The following CYP2C19 variants were observed in gnomAD, a reference collection of about 807,000 sequenced individuals.
CYP2C19 encodes cytochrome P450 2C19.
Under a neutral mutation model 40.9 loss-of-function variants are expected in CYP2C19, and 59 were observed. That is an observed-to-expected ratio of 1.44 (90% CI 1.17 to 1.79). The LOEUF is 1.79. CYP2C19 is among the 40% of genes most tolerant of loss of function. The probability of loss-of-function intolerance (pLI) is 0.00; values close to 1 mark genes in which losing one functional copy is unlikely to be tolerated. For missense variants in CYP2C19, 754 were observed against 596.9 expected, an observed-to-expected ratio of 1.26 and a Z score of -2.74; for synonymous variants, 253 against 208.7, an observed-to-expected ratio of 1.21 and a Z score of -1.83.
intron 5 of CYP2C19, among the ~76,000 whole-genome samples, chr10:94,815,134 A>C (rs1226759684): frequency 1.1e-4 from 17 of 149,520 alleles, no homozygotes; most frequent in African/African-American, 4.2e-4. Flanking sequence ...AACCAAGCTC[A>C]AGTCAAGAGA....
At chr10:94,799,791 T>G (rs2134252034) in intron 5 of CYP2C19, among the ~76,000 whole-genome samples, 1 of 152,302 alleles carries the variant, frequency 6.6e-6, no homozygotes, top group South Asian at 2.1e-4. Context: ...TCCACTTGGT[T>G]TTATTGACTA....
chr10:94,801,862 G>A (rs1012872121), intron 5 of CYP2C19, among the ~76,000 whole-genome samples: 1 of 152,176 alleles, frequency 6.6e-6, no homozygotes, highest in African/African-American at 2.4e-5. Flanking sequence ...TCGTGGTCTT[G>A]TTGACTTCAG....
intron 5 of CYP2C19, among the ~76,000 whole-genome samples, chr10:94,789,794 T>A (rs1487993802): frequency 1.3e-5 from 2 of 152,152 alleles, no homozygotes; most frequent in East Asian, 1.9e-4. Flanking sequence ...TCCAGCTTTG[T>A]TCTTTTTGCT....
intron 1 of CYP2C19, among the ~76,000 whole-genome samples, chr10:94,766,546 A>T (rs1256013554): frequency 6.6e-6 from 1 of 152,124 alleles, no homozygotes; most frequent in Non-Finnish European, 1.5e-5. Context: ...AATATGATGA[A>T]ATAGTAAAAG....
intron 1 of CYP2C19, among the ~76,000 whole-genome samples, chr10:94,768,294 C>T (rs1848276201): frequency 6.6e-6 from 1 of 152,184 alleles, no homozygotes; most frequent in Admixed American, 6.5e-5. Context: ...AGTTACACCA[C>T]TAACTTTGCC....
chr10:94,789,529 TA>T (rs1291481565), intron 5 of CYP2C19, among the ~76,000 whole-genome samples: 1 of 152,150 alleles, frequency 6.6e-6, no homozygotes, highest in Non-Finnish European at 1.5e-5. Context: ...GTATAACTTG[TA>T]AGAAAGGGAT....
intron 5 of CYP2C19, among the ~76,000 whole-genome samples, chr10:94,802,241 G>A (rs1848777029): frequency 6.6e-6 from 1 of 152,140 alleles, no homozygotes; most frequent in Non-Finnish European, 1.5e-5. Context: ...GCTGATTGGT[G>A]CATTTTACAA....
Position 94,780,578 on chromosome 10 carries a change from C to T in CYP2C19, c.561C>T (p.Phe187=), listed in dbSNP as rs895214411. 34 of 1,613,634 alleles carry T rather than the reference C, an allele frequency of 2.1e-5. No homozygotes were observed. Among genetic ancestry groups the T allele is most frequent in the Middle Eastern group, 3.3e-4 (2 of 6,080 alleles). The change falls in exon 4 of 9, where the codon TTC becomes TTT. Residue 187 remains phenylalanine, a synonymous_variant. Transcript: ENST00000371321. The part of the protein sequence containing the change: ...VICSIIFQKR[F]DYKDQQFLNL... ...GCTCCATTATTTTCCAGAAACGTTT[C>T]GATTATAAAGATCAGCAATTTCTTA...
At chr10:94,787,985 G>A (rs1848564238) in intron 5 of CYP2C19, among the ~76,000 whole-genome samples, 1 of 152,160 alleles carries the variant, frequency 6.6e-6, no homozygotes, top group African/African-American at 2.4e-5. Flanking sequence ...GATATTGATT[G>A]TTTTAATCCA....
intron 7 of CYP2C19, among the ~76,000 whole-genome samples, chr10:94,844,910 T>A (rs889466399): frequency 1.3e-5 from 2 of 152,200 alleles, no homozygotes; most frequent in African/African-American, 4.8e-5. Context: ...TCAGCTTTGG[T>A]GACCTGTTGA....
intron 6 of CYP2C19, among the ~76,000 whole-genome samples, chr10:94,827,416 T>C (rs546388972): frequency 3.9e-5 from 6 of 152,076 alleles, no homozygotes; most frequent in Non-Finnish European, 8.8e-5. Flanking sequence ...GAGGAATGTA[T>C]CCATTTCTTC....
intron 5 of CYP2C19, among the ~76,000 whole-genome samples, chr10:94,786,752 A>C (rs1006743645): frequency 6.6e-6 from 1 of 152,032 alleles, no homozygotes; most frequent in African/African-American, 2.4e-5. Flanking sequence ...CCACTTTTAT[A>C]TGAGAACACG....
intron 5 of CYP2C19, among the ~76,000 whole-genome samples, chr10:94,801,313 A>G (rs1848761945): frequency 6.6e-6 from 1 of 152,176 alleles, no homozygotes; most frequent in Non-Finnish European, 1.5e-5. Flanking sequence ...CATTGGTTTC[A>G]AAGAACATTA....
rs555328038 is a variant in CYP2C19 at position 94,793,009 on chromosome 10, G to A, written c.819+11012G>A. ...GGTACACCAATCAGATGTAGATTTG[G>A]TCTTTTCACATAGTCAAATATTTCT... On this transcript the variant is annotated intron_variant, in intron 5 of 8. Transcript: ENST00000371321. 5.3e-5 allele frequency among the ~76,000 whole-genome samples: 8 copies of A among 152,156 alleles called. 1 individual carries two copies. The South Asian group carries it at 1.2e-3, about 24-fold the overall frequency.
intron 5 of CYP2C19, among the ~76,000 whole-genome samples, chr10:94,794,293 A>G (rs1848652003): frequency 6.6e-6 from 1 of 151,958 alleles, no homozygotes; most frequent in African/African-American, 2.4e-5. Context: ...GAATTCCCCC[A>G]CCCCTTGTGC....
At chr10:94,778,273 C>T (rs576881805) in intron 3 of CYP2C19, among the ~76,000 whole-genome samples, 1 of 152,136 alleles carries the variant, frequency 6.6e-6, no homozygotes, top group African/African-American at 2.4e-5. Context: ...GATGACTTCC[C>T]CTTCCCTCCC....
chr10:94,778,582 T>C (rs1314125781), intron 3 of CYP2C19, among the ~76,000 whole-genome samples: 1 of 152,124 alleles, frequency 6.6e-6, no homozygotes, highest in Non-Finnish European at 1.5e-5. Context: ...CTCATGCCAG[T>C]TAGAATGGTG....
intron 1 of CYP2C19, 134 bp downstream of exon 1, chr10:94,763,007 C>T: frequency 2.3e-6 from 2 of 887,326 alleles, no homozygotes; most frequent in Non-Finnish European, 3.5e-6. Flanking sequence ...CTTTTGTTGC[C>T]TTTTCCAGTC....
chr10:94,849,481 A>T lies in CYP2C19; in HGVS notation c.1150-436A>T, dbSNP rs141510905. On this transcript the variant is annotated intron_variant, in intron 7 of 8. Transcript: ENST00000371321. ...CCTATAGGACTTTGGGATTTTTTTT[A>T]AATTTTATTATCATTATACTTTAAG... Among the ~76,000 whole-genome samples the T allele has an allele frequency of 8.5e-3, 1,294 of 152,060 alleles. 22 individuals carry two copies. Among genetic ancestry groups the T allele is most frequent in the East Asian group, 0.061 (314 of 5,160 alleles).
Sources: gnomAD v4.1 joint callset for allele counts (sites outside exome capture counted in the v4.1 genomes callset) on GRCh38, gnomAD v4.1.1 for gene constraint, MANE v1.5 for transcripts, NCBI Gene and HGNC (gene_info 2026-07-23, HGNC 2026-07-21) for gene names.